The following DNMT1 variants were observed in gnomAD, a reference collection of about 807,000 sequenced individuals.
DNMT1 encodes DNA methyltransferase 1, also known as DNA (cytosine-5)-methyltransferase 1.
In DNMT1, 24 loss-of-function variants were observed where a neutral mutation model predicts 205.3. The ratio of observed to expected loss-of-function variants is 0.12; its 90% CI spans 0.08 to 0.16. The LOEUF (loss-of-function observed/expected upper bound fraction) is 0.16. Among genes scored for constraint, DNMT1 ranks in the 10% least tolerant of loss-of-function variants. The pLI, the probability that DNMT1 is intolerant of heterozygous loss-of-function variation, is 1.00. For missense variants in DNMT1, 1,293 were observed against 2,177.7 expected, an observed-to-expected ratio of 0.59 and a Z score of 8.09; for synonymous variants, 817 against 839.8, an observed-to-expected ratio of 0.97 and a Z score of 0.47.
chr19:10,155,534 C>T (rs2038439141), intron 19 of DNMT1, among the ~76,000 whole-genome samples: 1 of 152,124 alleles, frequency 6.6e-6, no homozygotes, highest in African/African-American at 2.4e-5. Flanking sequence ...GAGGGGGTTT[C>T]ACCATGTTGG....
intron 8 of DNMT1, 150 bp downstream of exon 8, chr19:10,173,721 A>C: frequency 1.3e-6 from 1 of 786,870 alleles, no homozygotes; most frequent in Non-Finnish European, 2.2e-6. Context: ...TGAACTCCTG[A>C]CCTCAAGTGA....
At position 10,173,118 on chromosome 19, in the gene DNMT1, G is replaced by T. The variant is rs370064676; in HGVS notation, c.740C>A (p.Thr247Asn). 19 of 1,613,928 alleles carry T rather than the reference G, an allele frequency of 1.2e-5. No individual in the cohort carries two copies. The highest frequency in any genetic ancestry group is 1.5e-5 in the Non-Finnish European group (18 of 1,180,014). Residue 247 changes from threonine to asparagine, a missense_variant, in exon 9 of 41, where the codon ACT becomes AAT. By Grantham distance (65) the Thr-to-Asn change is moderately conservative. This residue lies in a region of DNMT1 where 394 missense variants were observed against 451.6 expected (regional missense o/e 0.87). Transcript: ENST00000359526. ...TTCATCTCTTTCTTCTTCCTTTTCA[G>T]TGCGCGTTCCTGATTTTGCTCTTTC... ...EPERAKSGTR[T>N]EKEEERDEKE...
At chr19:10,180,321 T>G in intron 4 of DNMT1, 29 bp downstream of exon 4, 2 of 1,604,178 alleles carry the variant, frequency 1.2e-6, no homozygotes, top group South Asian at 2.2e-5. Context: ...CAAAAACAAT[T>G]AAAAATAAAA....
chr19:10,176,330 T>C (rs1489998996), intron 6 of DNMT1, among the ~76,000 whole-genome samples: 1 of 152,106 alleles, frequency 6.6e-6, no homozygotes, highest in African/African-American at 2.4e-5. Context: ...TTTCTTCAAG[T>C]AAATGGCAAG....
At chr19:10,175,492 A>C in intron 7 of DNMT1, 48 bp downstream of exon 7, 1 of 1,606,278 alleles carries the variant, frequency 6.2e-7, no homozygotes, top group South Asian at 1.1e-5. Context: ...ACAATCATCA[A>C]ATACACCAAG....
chr19:10,150,491 C>T (rs1400693256), intron 24 of DNMT1, among the ~76,000 whole-genome samples: 2 of 152,196 alleles, frequency 1.3e-5, no homozygotes, highest in African/African-American at 2.4e-5. Context: ...AGCCTCCTCC[C>T]AGCCCCCTAC....
Position 10,166,649 on chromosome 19 carries a change from T to C in DNMT1, c.840A>G (p.Arg280=). The part of the protein sequence containing the change: ...PKQKLKEEPD[R]EARAGVQADE... ...CAGCCTGCACGCCTGCCCTGGCTTCTCTGTCCGGCTCCTCCTTCAGTTTCT... is the reference window on the plus strand; with the variant it reads ...CAGCCTGCACGCCTGCCCTGGCTTCCCTGTCCGGCTCCTCCTTCAGTTTCT... Residue 280 remains arginine (R), a synonymous_variant, in exon 11 of 41, where the codon AGA becomes AGG. Transcript: ENST00000359526. The C allele has an allele frequency of 1.9e-6, 3 of 1,614,240 alleles. No individual in the cohort carries two copies. The highest frequency in any genetic ancestry group is 2.5e-6 in the Non-Finnish European group (3 of 1,180,032).
At chr19:10,179,712 G>A (rs1456932795) in intron 5 of DNMT1, among the ~76,000 whole-genome samples, 2 of 152,194 alleles carry the variant, frequency 1.3e-5, no homozygotes, top group Non-Finnish European at 1.5e-5. Context: ...AAGTGGGGCC[G>A]GGCACGGTGG....
At chr19:10,135,389 G>A (rs553565973) in intron 39 of DNMT1, 29 of 370,276 alleles carry the variant, frequency 7.8e-5, no homozygotes, top group Non-Finnish European at 1.4e-4. Flanking sequence ...AAGCCAACCC[G>A]ACACCTGAGA....
At chr19:10,167,096 C>T (rs1022029321) in intron 10 of DNMT1, among the ~76,000 whole-genome samples, 1 of 152,226 alleles carries the variant, frequency 6.6e-6, no homozygotes, top group African/African-American at 2.4e-5. Context: ...TCACCTCCCA[C>T]TCTGCCAGGG....
chr19:10,147,930 A>G (rs1265866307), intron 27 of DNMT1, among the ~76,000 whole-genome samples: 4 of 151,604 alleles, frequency 2.6e-5, no homozygotes, highest in Non-Finnish European at 4.4e-5. Context: ...CCTGACCAAC[A>G]TGGAGAAACC....
At chr19:10,174,471 T>G (rs1426059885) in intron 7 of DNMT1, among the ~76,000 whole-genome samples, 1 of 152,048 alleles carries the variant, frequency 6.6e-6, no homozygotes, top group African/African-American at 2.4e-5. Flanking sequence ...TTTGGGAGGC[T>G]GAAGCGGGTG....
chr19:10,185,269 C>CA (rs1296346114), intron 1 of DNMT1, among the ~76,000 whole-genome samples: 2 of 151,782 alleles, frequency 1.3e-5, no homozygotes, highest in African/African-American at 2.4e-5. Flanking sequence ...ACTAAAAATA[C>CA]AAAAAATTAG....
Position 10,156,670 on chromosome 19 carries a change from C to T in DNMT1, c.1281-161G>A, listed in dbSNP as rs2038463685. On this transcript the variant is annotated intron_variant, in intron 17 of 40. Transcript: ENST00000359526. This position sits in a 1 kb window ranked among gnomAD's most constrained non-coding sequence, Gnocchi z 4.2. ...TCTTGCTCTATCCCTCAGGCTGGAG[C>T]GCGATGGCATAATCTTGGCTCACTG... Among the ~76,000 whole-genome samples, 1 of 152,084 alleles carries T rather than the reference C, an allele frequency of 6.6e-6. No individual in the cohort carries two copies. Among genetic ancestry groups the T allele is most frequent in the Admixed American group, 6.6e-5 (1 of 15,258 alleles).
At position 10,133,536 on chromosome 19, in the gene DNMT1, C is replaced by T; in HGVS notation, c.*131G>A. On this transcript the variant is annotated 3_prime_UTR_variant, in exon 41 of 41. Transcript: ENST00000359526. This position sits in a 1 kb window ranked among gnomAD's most constrained non-coding sequence, Gnocchi z 4.1. Reference sequence around the variant, plus strand: ...TTGATAAGCGAACCTCACACAACAGCTTCATGTCAGCCAAGGCCACAAACA... The same window carrying T: ...TTGATAAGCGAACCTCACACAACAGTTTCATGTCAGCCAAGGCCACAAACA... 3 of 1,042,632 alleles carry T rather than the reference C, an allele frequency of 2.9e-6. No homozygotes were observed. The South Asian group carries it at 4.2e-5, about 14-fold the overall frequency. 64.6% of individuals were successfully genotyped at this position (1,042,632 alleles called of 1,614,324 possible). A position where few individuals can be genotyped will look rare whatever the true frequency, so the allele number is the denominator to read the frequency against.
In DNMT1 at chr19:10,174,102, A is replaced by T. The variant is rs759920; in HGVS notation, c.649-197T>A. On this transcript the variant is annotated intron_variant, in intron 7 of 40. Coordinates refer to ENST00000359526, the MANE Select transcript of DNMT1 (RefSeq NM_001130823.3). ...TAATCCCCACCAACCCCAAAACAAA[A>T]GCAGGTCCGAGAAGTAGGCAGGCAC... is the stretch of plus-strand genomic sequence containing the variant. Among the ~76,000 whole-genome samples, 11 of 151,910 alleles carry T rather than the reference A, an allele frequency of 7.2e-5. 1 individual carries two copies. Among genetic ancestry groups the T allele is most frequent in the African/African-American group, 2.2e-4 (9 of 41,316 alleles).
chr19:10,183,186 T>C (rs959742237), intron 1 of DNMT1, among the ~76,000 whole-genome samples: 2 of 149,878 alleles, frequency 1.3e-5, no homozygotes, highest in African/African-American at 4.9e-5. Context: ...AATGGTGTGA[T>C]CTCAGCTCAA....
At chr19:10,143,678 A>C in intron 29 of DNMT1, 88 bp downstream of exon 29, 7 of 1,459,846 alleles carry the variant, frequency 4.8e-6, no homozygotes, top group Non-Finnish European at 5.8e-6. Flanking sequence ...TCTTAGAACA[A>C]CTGTGGGTGC....
rs532599778 is a variant in DNMT1 at position 10,154,407 on chromosome 19, G to C, written c.1905C>G (p.Thr635=). 5.6e-5 allele frequency: 90 copies of C among 1,614,238 alleles called. No homozygotes were observed. In the South Asian group the frequency reaches 8.8e-4, roughly 16 times the overall value. Residue 635 remains threonine (T), a synonymous_variant, in exon 22 of 41, where the codon ACC becomes ACG. Transcript: ENST00000359526. The surrounding 1 kb of genome is among the most constrained non-coding windows in gnomAD (Gnocchi z 6.3). ...REKDRGPTKA[T]TTKLVYQIFD... ...AGATCTGGTAGACCAGCTTGGTGGT[G>C]GTGGCTTTCGTGGGTCCCCTGTCCT... is the stretch of plus-strand genomic sequence containing the variant.
Sources: gnomAD v4.1 joint callset for allele counts (sites outside exome capture counted in the v4.1 genomes callset) on GRCh38, gnomAD v4.1.1 for gene constraint, gnomAD v4.1.1 regional missense constraint, Gnocchi (gnomAD v3.1) non-coding constraint, MANE v1.5 for transcripts, NCBI Gene and HGNC (gene_info 2026-07-23, HGNC 2026-07-21) for gene names.